NLRP14: variants seen among roughly 807,000 people sequenced by gnomAD.
The protein encoded by NLRP14 is NACHT, LRR and PYD domains-containing protein 14.
A neutral mutation model predicts 94.7 loss-of-function variants in NLRP14; 105 were observed. The ratio of observed to expected loss-of-function variants is 1.11; its 90% CI spans 0.95 to 1.30. The LOEUF is 1.30. NLRP14 is among the 50% of genes most tolerant of loss of function. The pLI is 0.00. For synonymous variants in NLRP14, 508 were observed against 459.9 expected, an observed-to-expected ratio of 1.10 and a Z score of -1.34; for missense variants, 1,362 against 1,254.1, an observed-to-expected ratio of 1.09 and a Z score of -1.30.
At chr11:7,075,159 A>C (rs2119450117), downstream of NLRP14, among the ~76,000 whole-genome samples, 1 of 152,270 alleles carries the variant, frequency 6.6e-6, no homozygotes, top group African/African-American at 2.4e-5. Flanking sequence ...CTCAGCTTCC[A>C]AGGTTTTTCC....
chr11:7,061,357 A>G (rs1852617188), intron 9 of NLRP14, among the ~76,000 whole-genome samples: 1 of 152,108 alleles, frequency 6.6e-6, no homozygotes, highest in South Asian at 2.1e-4. Context: ...TCTTCATTTA[A>G]CTACAGACGT....
chr11:7,052,205 G>A (rs1423351918), intron 6 of NLRP14, among the ~76,000 whole-genome samples: 1 of 152,188 alleles, frequency 6.6e-6, no homozygotes, highest in Non-Finnish European at 1.5e-5. Flanking sequence ...TATAAGCAAG[G>A]TAAGGGAATG....
chr11:7,080,867 C>T, the NLRP14 span, among the ~76,000 whole-genome samples: 1 of 152,160 alleles, frequency 6.6e-6, no homozygotes, highest in Admixed American at 6.5e-5. Flanking sequence ...GTCAGGATCA[C>T]TTTCTCTTAC....
At chr11:7,089,993 C>T in the NLRP14 span, 5 of 1,613,070 alleles carry the variant, frequency 3.1e-6, no homozygotes, top group South Asian at 1.1e-5. Flanking sequence ...AGCTGCGCGG[C>T]GCCGCCCCAG....
rs1852194675 is a variant in NLRP14, at chr11:7,038,573, A to C, written c.-14A>C. ...TTTTTTTTCCCCCCACAGAGGCCTGAATATTTGGACAAGATGGCAGATTCA... is the reference window on the plus strand; with the variant it reads ...TTTTTTTTCCCCCCACAGAGGCCTGCATATTTGGACAAGATGGCAGATTCA... On this transcript the variant is annotated 5_prime_UTR_variant, in exon 2 of 12. Transcript: ENST00000299481. 1 of 1,612,878 alleles carries C rather than the reference A, an allele frequency of 6.2e-7. No individual in the cohort carries two copies. Among genetic ancestry groups the C allele is most frequent in the African/African-American group, 1.3e-5 (1 of 74,852 alleles).
chr11:7,078,750 T>A, the NLRP14 span, among the ~76,000 whole-genome samples: 1 of 152,102 alleles, frequency 6.6e-6, no homozygotes, highest in African/African-American at 2.4e-5. Context: ...ATCGCACCAT[T>A]GCACTCCAGC....
chr11:7,082,638 C>T, the NLRP14 span, among the ~76,000 whole-genome samples: 22 of 152,244 alleles, frequency 1.4e-4, no homozygotes, highest in African/African-American at 5.3e-4. Flanking sequence ...CATTACAGAA[C>T]CCATTTATTT....
chr11:7,087,375 G>A, the NLRP14 span, among the ~76,000 whole-genome samples: 1 of 152,206 alleles, frequency 6.6e-6, no homozygotes, highest in Non-Finnish European at 1.5e-5. Context: ...GAATTTAAGA[G>A]TAGCTGCCTG....
At chr11:7,089,331 G>A in the NLRP14 span, 7 of 1,607,842 alleles carry the variant, frequency 4.4e-6, no homozygotes, top group Admixed American at 5.0e-5. Flanking sequence ...AGACATGAAC[G>A]GCAAGTCCCT....
At chr11:7,083,737 G>T in the NLRP14 span, among the ~76,000 whole-genome samples, 2 of 152,184 alleles carry the variant, frequency 1.3e-5, no homozygotes, top group Non-Finnish European at 2.9e-5. Context: ...CATGGACCCA[G>T]GTGGCTACTT....
In NLRP14 at chr11:7,043,755, C is replaced by G; in HGVS notation, c.1729C>G (p.Leu577Val). 14 of 1,614,080 alleles carry G rather than the reference C, an allele frequency of 8.7e-6. No homozygotes were observed. The highest frequency in any genetic ancestry group is 1.2e-5 in the Non-Finnish European group (14 of 1,179,964). Residue 577 changes from leucine (L) to valine (V), a missense_variant, in exon 4 of 12, where the codon CTG becomes GTG. Transcript: ENST00000299481. The stretch of plus-strand genomic sequence containing the variant: ...AAACAGTGACTATTCTCCATCACAG[C>G]TGGGATTTCTGGAGTTGTTTCACTG... ...LGNSDYSPSQ[L>V]GFLELFHCLY...
chr11:7,032,053 G>A (rs1475920295), intron 1 of NLRP14, among the ~76,000 whole-genome samples: 1 of 152,124 alleles, frequency 6.6e-6, no homozygotes, highest in African/African-American at 2.4e-5. Flanking sequence ...CAGATGGCAG[G>A]CATTCATTTC....
chr11:7,087,782 A>G, the NLRP14 span, among the ~76,000 whole-genome samples: 3 of 152,208 alleles, frequency 2.0e-5, no homozygotes, highest in African/African-American at 7.2e-5. Context: ...AAAAAGGAAG[A>G]AGGAAAGGTT....
Position 7,042,613 on chromosome 11 carries a change from C to G in NLRP14, c.587C>G (p.Ala196Gly). The G allele has an allele frequency of 6.2e-7, 1 of 1,614,186 alleles. No homozygotes were observed. Among genetic ancestry groups the G allele is most frequent in the Non-Finnish European group, 8.5e-7 (1 of 1,180,030 alleles). Residue 196 changes from alanine (A) to glycine (G), a missense_variant, in exon 4 of 12, where the codon GCA becomes GGA. By Grantham distance (60) the Ala-to-Gly change is moderately conservative. Coordinates refer to ENST00000299481, the MANE Select transcript of NLRP14 (RefSeq NM_176822.4). ...GVGKTTLVRK[A>G]MLDWAEGSLY... ...GGGAAAACAACCTTGGTGAGAAAGG[C>G]AATGTTAGATTGGGCAGAGGGCAGT...
At chr11:7,086,225 C>G in the NLRP14 span, among the ~76,000 whole-genome samples, 1 of 152,180 alleles carries the variant, frequency 6.6e-6, no homozygotes, top group African/African-American at 2.4e-5. Context: ...GTGCTTTTGA[C>G]AATAACTATC....
intron 5 of NLRP14, among the ~76,000 whole-genome samples, chr11:7,049,261 A>G (rs899428345): frequency 6.6e-6 from 1 of 152,250 alleles, no homozygotes; most frequent in Non-Finnish European, 1.5e-5. Context: ...AAGATGGCAC[A>G]GCATGTTTTG....
At chr11:7,089,039 C>G in the NLRP14 span, 1 of 1,503,644 alleles carries the variant, frequency 6.7e-7, no homozygotes, top group Admixed American at 1.9e-5. Context: ...AGGAGCCGCC[C>G]TCGACGAGCG....
downstream of NLRP14, among the ~76,000 whole-genome samples, chr11:7,075,498 T>C (rs986070286): frequency 2.6e-5 from 4 of 152,218 alleles, no homozygotes; most frequent in African/African-American, 7.2e-5. Flanking sequence ...TTTTATAACA[T>C]GATGAGGAAT....
the NLRP14 span, chr11:7,090,037 G>T: frequency 1.9e-6 from 3 of 1,613,068 alleles, no homozygotes; most frequent in Non-Finnish European, 2.5e-6. Context: ...GGAGGAGGAG[G>T]CCGCTACGAG....
Sources: allele counts gnomAD v4.1 joint callset (sites outside exome capture counted in the v4.1 genomes callset), GRCh38; gene constraint gnomAD v4.1.1; transcripts MANE v1.5; gene names NCBI Gene and HGNC (gene_info 2026-07-23, HGNC 2026-07-21).